Variants in LMCD1 observed in about 807,000 individuals in gnomAD.
LMCD1 encodes LIM and cysteine-rich domains protein 1.
A neutral mutation model predicts 42.7 loss-of-function variants in LMCD1; 32 were observed. That is an observed-to-expected ratio of 0.75 (90% CI 0.57 to 1.01). The LOEUF (loss-of-function observed/expected upper bound fraction) is 1.01, where lower values mean the gene tolerates loss of function less well. Ranked by LOEUF, LMCD1 falls within the 50% of genes least tolerant of loss-of-function variation. The probability of loss-of-function intolerance (pLI) is 0.00; values close to 1 mark genes in which losing one functional copy is unlikely to be tolerated. For synonymous variants in LMCD1, 178 were observed against 184.9 expected (o/e 0.96, Z 0.30); for missense variants, 458 against 483.1 (o/e 0.95, Z 0.49).
chr3:8,561,253 A>G (rs9820959), intron 4 of LMCD1, among the ~76,000 whole-genome samples: 18,399 of 152,192 alleles, frequency 0.12, 1,337 homozygotes, highest in African/African-American at 0.2. Flanking sequence ...GGTGATAAAT[A>G]TTTTAGGAGA....
intron 3 of LMCD1, 174 bp downstream of exon 3, chr3:8,537,614 C>A: frequency 1.5e-6 from 1 of 663,554 alleles, no homozygotes; most frequent in Non-Finnish European, 2.4e-6. Flanking sequence ...GAAATGAAGA[C>A]TATCTGGGCC....
At position 8,571,236 on chromosome 3, in the gene LMCD1, A is replaced by C. The variant is rs1355248810; in HGVS notation, c.*3638A>C. The C allele has an allele frequency of 6.6e-6, 1 of 152,184 alleles. No individual in the cohort carries two copies. The highest frequency in any genetic ancestry group is 2.4e-5 in the African/African-American group (1 of 41,438). 9.4% of individuals were successfully genotyped at this position (152,184 alleles called of 1,614,324 possible). ...TGTGCTATAATTATTTATTCATGAA[A>C]GCCTTCCCCTATGAACTTCTAAAGA... On this transcript the variant is annotated 3_prime_UTR_variant, in exon 6 of 6. Coordinates refer to ENST00000157600, the MANE Select transcript of LMCD1 (RefSeq NM_014583.4).
intron 3 of LMCD1, among the ~76,000 whole-genome samples, chr3:8,539,598 G>A (rs914724116): frequency 6.6e-6 from 1 of 152,056 alleles, no homozygotes; most frequent in African/African-American, 2.4e-5. Flanking sequence ...CGGGCTTCAG[G>A]GACCGGCTGG....
At chr3:8,566,382 G>C (rs1695133713) in intron 5 of LMCD1, among the ~76,000 whole-genome samples, 1 of 152,194 alleles carries the variant, frequency 6.6e-6, no homozygotes, top group Non-Finnish European at 1.5e-5. Context: ...ATGAAGGTTA[G>C]AAATGTCTTC....
At chr3:8,523,585 G>T (rs975825671) in intron 1 of LMCD1, among the ~76,000 whole-genome samples, 1 of 152,262 alleles carries the variant, frequency 6.6e-6, no homozygotes, top group Non-Finnish European at 1.5e-5. Flanking sequence ...ACAGCCTGAA[G>T]CCCTAGCGTG....
At chr3:8,558,347 CA>C (rs1244028286) in intron 4 of LMCD1, among the ~76,000 whole-genome samples, 2 of 152,180 alleles carry the variant, frequency 1.3e-5, no homozygotes, top group Non-Finnish European at 2.9e-5. Context: ...TTACAAATTG[CA>C]AAGGCCCCAA....
chr3:8,540,173 T>C (rs1341677067), intron 3 of LMCD1, among the ~76,000 whole-genome samples: 1 of 152,134 alleles, frequency 6.6e-6, no homozygotes, highest in Non-Finnish European at 1.5e-5. Flanking sequence ...TAGCTGGGAA[T>C]TGACCAACTT....
At chr3:8,514,754 G>A (rs73127948) in intron 1 of LMCD1, among the ~76,000 whole-genome samples, 1,924 of 152,250 alleles carry the variant, frequency 0.013, 50 homozygotes, top group African/African-American at 0.044. Flanking sequence ...AGACACAAAA[G>A]AATACACACC....
intron 4 of LMCD1, chr3:8,550,749 C>A: frequency 1.0e-6 from 1 of 985,156 alleles, no homozygotes; most frequent in South Asian, 4.7e-5. Flanking sequence ...CACCCTGATC[C>A]TGGCTTCTGT....
At chr3:8,566,605 G>A (rs1695136258) in intron 5 of LMCD1, among the ~76,000 whole-genome samples, 1 of 152,160 alleles carries the variant, frequency 6.6e-6, no homozygotes, top group African/African-American at 2.4e-5. Flanking sequence ...AGGGCTTACG[G>A]TGGGTCAGTA....
At chr3:8,543,862 C>T (rs2125029116) in intron 3 of LMCD1, among the ~76,000 whole-genome samples, 1 of 152,330 alleles carries the variant, frequency 6.6e-6, no homozygotes, top group Non-Finnish European at 1.5e-5. Flanking sequence ...GATTCTTATG[C>T]ACCCTAAAGT....
At chr3:8,556,308 A>G (rs888022217) in intron 4 of LMCD1, among the ~76,000 whole-genome samples, 1 of 152,162 alleles carries the variant, frequency 6.6e-6, no homozygotes, top group Non-Finnish European at 1.5e-5. Context: ...TAATACATCA[A>G]TTTAGTGGAC....
chr3:8,530,505 G>A (rs751216580), intron 1 of LMCD1, among the ~76,000 whole-genome samples: 2 of 152,216 alleles, frequency 1.3e-5, no homozygotes, highest in East Asian at 3.8e-4. Flanking sequence ...TAATCCCCTT[G>A]TAGAATGAGG....
chr3:8,543,397 T>TGATAGATAGATAGATA (rs57434919), intron 3 of LMCD1, among the ~76,000 whole-genome samples: 126 of 92,874 alleles, frequency 1.4e-3, no homozygotes, highest in Non-Finnish European at 1.6e-3. Flanking sequence ...GATAGATAGA[T>TGATAGATAGATAGATA]GATAGATAGA....
At chr3:8,515,778 C>T (rs1340043541) in intron 1 of LMCD1, among the ~76,000 whole-genome samples, 1 of 151,934 alleles carries the variant, frequency 6.6e-6, no homozygotes, top group African/African-American at 2.4e-5. Context: ...GGAAAGAGAC[C>T]CTAAGAGCGG....
Position 8,537,184 on chromosome 3 carries a change from G to A in LMCD1, c.132-1G>A. Reference sequence around the variant, plus strand: ...ACTGGTCCCCATCCACCCACCCCCAGGAAAATATGCAAGTCTTGCAAATGC... The same window carrying A: ...ACTGGTCCCCATCCACCCACCCCCAAGAAAATATGCAAGTCTTGCAAATGC... On this transcript the variant is annotated splice_acceptor_variant, in intron 2 of 5. Transcript: ENST00000157600. LOFTEE classifies it high-confidence loss of function. 6.2e-7 allele frequency: 1 copy of A among 1,613,114 alleles called. No homozygotes were observed.
chr3:8,532,782 G>A lies in LMCD1; in HGVS notation c.88G>A (p.Gly30Arg). 3 of 1,613,778 alleles carry A rather than the reference G, an allele frequency of 1.9e-6. No homozygotes were observed. Among genetic ancestry groups the A allele is most frequent in the Non-Finnish European group, 8.5e-7 (1 of 1,179,870 alleles). ...LQSARGVACL[G>R]CKGTCSGFEP... The stretch of plus-strand genomic sequence containing the variant: ...GTCAGCAAGAGGTGTGGCATGTTTG[G>A]GATGCAAGGGGACGTGTTCGGGCTT... Residue 30 changes from glycine (G) to arginine (R), a missense_variant, in exon 2 of 6, where the codon GGA becomes AGA. Physicochemically the swap from Gly to Arg is moderately radical, Grantham distance 125. Coordinates refer to ENST00000157600, the MANE Select transcript of LMCD1 (RefSeq NM_014583.4).
intron 1 of LMCD1, among the ~76,000 whole-genome samples, chr3:8,525,579 A>G (rs1300707655): frequency 6.6e-6 from 1 of 152,158 alleles, no homozygotes; most frequent in East Asian, 1.9e-4. Context: ...TTGGATGTAT[A>G]TCCAGATGTG....
At chr3:8,513,040 A>G (rs1277083370) in intron 1 of LMCD1, among the ~76,000 whole-genome samples, 1 of 152,186 alleles carries the variant, frequency 6.6e-6, no homozygotes, top group Non-Finnish European at 1.5e-5. Context: ...GAACACTCAC[A>G]CCTCCTGAAG....
Sources: gnomAD v4.1 joint callset for allele counts (sites outside exome capture counted in the v4.1 genomes callset) on GRCh38, gnomAD v4.1.1 for gene constraint, MANE v1.5 for transcripts, NCBI Gene and HGNC (gene_info 2026-07-23, HGNC 2026-07-21) for gene names.